ROBO2: variants seen among roughly 807,000 people sequenced by gnomAD.
ROBO2 encodes roundabout guidance receptor 2, also known as roundabout homolog 2.
ROBO2 carries 53 observed loss-of-function variants against 160.8 expected under a neutral mutation model. The ratio of observed to expected loss-of-function variants is 0.33; its 90% CI spans 0.26 to 0.41. The LOEUF is 0.41. Among genes scored for constraint, ROBO2 ranks in the 10% least tolerant of loss-of-function variants. The pLI is 1.00. For synonymous variants in ROBO2, 664 were observed against 611.7 expected (o/e 1.09, Z -1.26); for missense variants, 1,577 against 1,722.4 (o/e 0.92, Z 1.49).
At chr3:77,488,994 G>A (rs1360078496) in intron 4 of ROBO2, among the ~76,000 whole-genome samples, 1 of 152,134 alleles carries the variant, frequency 6.6e-6, no homozygotes, top group Non-Finnish European at 1.5e-5. Flanking sequence ...AAATTGCAAA[G>A]CAGAAGGTCA....
chr3:77,001,488 A>T (rs1446557549), intron 2 of ROBO2, among the ~76,000 whole-genome samples: 1 of 152,162 alleles, frequency 6.6e-6, no homozygotes, highest in Non-Finnish European at 1.5e-5. Context: ...AGAACAGCAG[A>T]TCTTTTCACA....
At chr3:77,224,639 G>A (rs190338010) in intron 2 of ROBO2, among the ~76,000 whole-genome samples, 21 of 151,764 alleles carry the variant, frequency 1.4e-4, no homozygotes, top group African/African-American at 4.8e-4. Context: ...TTGTTTGTTT[G>A]TTTGATTTAT....
chr3:76,583,714 A>T (rs1578317772), intron 2 of ROBO2, among the ~76,000 whole-genome samples: 1 of 151,990 alleles, frequency 6.6e-6, no homozygotes, highest in South Asian at 2.1e-4. Context: ...TACCCAGTGT[A>T]TTTATTTATT....
chr3:76,214,825 A>G (rs993237358), intron 2 of ROBO2, among the ~76,000 whole-genome samples: 1 of 152,228 alleles, frequency 6.6e-6, no homozygotes, highest in Admixed American at 6.5e-5. Flanking sequence ...TCGTTCTCCC[A>G]GCACGCAGCT....
At chr3:76,929,596 A>T (rs1272643367) in intron 2 of ROBO2, among the ~76,000 whole-genome samples, 1 of 152,210 alleles carries the variant, frequency 6.6e-6, no homozygotes, top group Non-Finnish European at 1.5e-5. Flanking sequence ...AACAGCAGAC[A>T]AGATGACCCC....
intron 2 of ROBO2, among the ~76,000 whole-genome samples, chr3:77,215,168 A>G (rs976829116): frequency 6.6e-6 from 1 of 152,222 alleles, no homozygotes. Flanking sequence ...AATATCCTGC[A>G]GAGTGTTTTC....
At chr3:76,783,138 C>A (rs1253492448) in intron 2 of ROBO2, among the ~76,000 whole-genome samples, 1 of 150,812 alleles carries the variant, frequency 6.6e-6, no homozygotes, top group Non-Finnish European at 1.5e-5. Context: ...ATTTTTGTTA[C>A]ATATAAAAAC....
chr3:77,351,207 T>C (rs867404474), intron 2 of ROBO2, among the ~76,000 whole-genome samples: 3 of 152,110 alleles, frequency 2.0e-5, no homozygotes, highest in African/African-American at 7.2e-5. Context: ...TGTTGTACTA[T>C]AGTCAGATCT....
At chr3:77,262,008 A>T (rs2058808081) in intron 2 of ROBO2, among the ~76,000 whole-genome samples, 1 of 151,996 alleles carries the variant, frequency 6.6e-6, no homozygotes, top group African/African-American at 2.4e-5. Flanking sequence ...TGATTGATGT[A>T]TTCTCAAACT....
At chr3:77,240,197 G>A (rs912975751) in intron 2 of ROBO2, among the ~76,000 whole-genome samples, 12 of 152,128 alleles carry the variant, frequency 7.9e-5, no homozygotes, top group Admixed American at 2.6e-4. Flanking sequence ...AGTGGCACTC[G>A]GGCATGGCAG....
intron 2 of ROBO2, among the ~76,000 whole-genome samples, chr3:76,231,231 A>C (rs1019012527): frequency 3.3e-5 from 5 of 152,170 alleles, no homozygotes; most frequent in African/African-American, 1.2e-4. Flanking sequence ...AGCGTAATAC[A>C]TGAAGAGCAA....
intron 2 of ROBO2, among the ~76,000 whole-genome samples, chr3:76,738,404 G>A (rs1043543097): frequency 2.6e-5 from 4 of 152,140 alleles, no homozygotes; most frequent in African/African-American, 4.8e-5. Flanking sequence ...ATATTTTGTT[G>A]TGGGAGGCTT....
chr3:76,786,739 G>A (rs2063002555), intron 2 of ROBO2, among the ~76,000 whole-genome samples: 1 of 151,262 alleles, frequency 6.6e-6, no homozygotes, highest in Non-Finnish European at 1.5e-5. Flanking sequence ...AAAGATGTAG[G>A]TTTCATGAGC....
At chr3:76,109,147 A>G (rs1462754912) in intron 2 of ROBO2, among the ~76,000 whole-genome samples, 1 of 152,044 alleles carries the variant, frequency 6.6e-6, no homozygotes, top group Admixed American at 6.6e-5. Flanking sequence ...CAAACTCACA[A>G]GCACAATAAA....
In ROBO2 at chr3:76,052,112, A is replaced by G. The variant is rs149287301; in HGVS notation, c.109+114510A>G. Among the ~76,000 whole-genome samples the G allele has an allele frequency of 5.7e-3, 864 of 152,202 alleles. 7 individuals carry two copies. The highest frequency in any genetic ancestry group is 0.02 in the African/African-American group (830 of 41,548). ...AGTTCTCAATCTATTTTAAAAACCT[A>G]TGTGTGAACAACAATGTCATAGGAC... On this transcript the variant is annotated intron_variant, in intron 2 of 26. Coordinates refer to the ROBO2 transcript ENST00000487694.
At chr3:77,127,206 G>A (rs763821878) in intron 2 of ROBO2, among the ~76,000 whole-genome samples, 6 of 152,068 alleles carry the variant, frequency 3.9e-5, no homozygotes, top group Non-Finnish European at 8.8e-5. Context: ...AATTTCTTAT[G>A]TTCAGGAGCA....
At chr3:77,102,477 A>G (rs1321465138) in intron 2 of ROBO2, among the ~76,000 whole-genome samples, 2 of 152,222 alleles carry the variant, frequency 1.3e-5, no homozygotes, top group Non-Finnish European at 2.9e-5. Context: ...ACCTAGATGT[A>G]CCTAAGTAGT....
intron 2 of ROBO2, among the ~76,000 whole-genome samples, chr3:76,762,263 A>G (rs930873399): frequency 2.6e-5 from 4 of 151,616 alleles, no homozygotes; most frequent in African/African-American, 9.7e-5. Context: ...AGGGTGAACA[A>G]CATGTTGCAA....
At chr3:76,369,300 A>G (rs7649237) in intron 2 of ROBO2, among the ~76,000 whole-genome samples, 71,619 of 151,672 alleles carry the variant, frequency 0.47, 18,757 homozygotes, top group East Asian at 0.67. Flanking sequence ...AGTTGTCACA[A>G]TCTCCTGGTT....
Sources: allele counts gnomAD v4.1 joint callset (sites outside exome capture counted in the v4.1 genomes callset), GRCh38; gene constraint gnomAD v4.1.1; transcripts MANE v1.5; gene names NCBI Gene and HGNC (gene_info 2026-07-23, HGNC 2026-07-21).